Variants in IMPG1 observed in about 807,000 individuals in gnomAD.
IMPG1 encodes the protein interphotoreceptor matrix proteoglycan 1.
IMPG1 carries 85 observed loss-of-function variants against 92.0 expected under a neutral mutation model. That is an observed-to-expected ratio of 0.92 (90% CI 0.78 to 1.11). IMPG1 has a LOEUF of 1.11. Among genes scored for constraint, IMPG1 ranks in the 50% least tolerant of loss-of-function variants. IMPG1 has a pLI of 0.00. For missense variants in IMPG1, 1,022 were observed against 956.0 expected (o/e 1.07, Z -0.91); for synonymous variants, 367 against 334.1 (o/e 1.10, Z -1.08).
chr6:76,022,673 T>C (rs1283516584), intron 5 of IMPG1, among the ~76,000 whole-genome samples: 2 of 152,344 alleles, frequency 1.3e-5, no homozygotes, highest in Non-Finnish European at 2.9e-5. Context: ...TTTAAGATGC[T>C]ATGAATTTCA....
intron 6 of IMPG1, among the ~76,000 whole-genome samples, chr6:76,019,414 T>C (rs927912591): frequency 6.6e-6 from 1 of 152,244 alleles, no homozygotes; most frequent in Non-Finnish European, 1.5e-5. Context: ...GAAAATTGAA[T>C]ATCTCTGGTT....
chr6:75,963,729 C>T (rs1308510448), intron 12 of IMPG1, among the ~76,000 whole-genome samples: 10 of 152,180 alleles, frequency 6.6e-5, no homozygotes, highest in Admixed American at 6.5e-4. Context: ...TCCCCCACTC[C>T]CCAGCTCAGT....
intron 1 of IMPG1, among the ~76,000 whole-genome samples, chr6:76,051,680 T>C (rs1784044665): frequency 6.6e-6 from 1 of 152,186 alleles, no homozygotes; most frequent in East Asian, 1.9e-4. Flanking sequence ...CATTTCCCTC[T>C]CTGTAGCTTT....
intron 15 of IMPG1, among the ~76,000 whole-genome samples, chr6:75,928,782 C>G (rs900756604): frequency 3.3e-5 from 5 of 152,210 alleles, no homozygotes; most frequent in African/African-American, 9.6e-5. Flanking sequence ...CTATACAAAA[C>G]TGCCAATATT....
chr6:76,007,458 C>G (rs1210535563), intron 9 of IMPG1, 22 bp downstream of exon 9: 1 of 1,569,242 alleles, frequency 6.4e-7, no homozygotes, highest in Non-Finnish European at 8.7e-7. Context: ...TACTATATTT[C>G]AAAACTTAAA....
intron 14 of IMPG1, 68 bp from the exon 15 acceptor site, chr6:75,931,219 AG>A: frequency 1.2e-5 from 18 of 1,441,136 alleles, no homozygotes; most frequent in Non-Finnish European, 1.7e-5. Flanking sequence ...CAGCAGTCAA[AG>A]GCAAGAGACC....
At chr6:75,986,732 T>C (rs1173208713) in intron 12 of IMPG1, among the ~76,000 whole-genome samples, 1 of 151,416 alleles carries the variant, frequency 6.6e-6, no homozygotes, top group Non-Finnish European at 1.5e-5. Flanking sequence ...AAGCAGAATA[T>C]GTTAACAATG....
chr6:76,002,100 T>G (rs7774309), intron 12 of IMPG1, among the ~76,000 whole-genome samples: 24 of 152,210 alleles, frequency 1.6e-4, no homozygotes, highest in African/African-American at 5.5e-4. Flanking sequence ...CAATGGCATT[T>G]GTACTTATAA....
chr6:76,005,614 AG>A, intron 9 of IMPG1, 80 bp from the exon 10 acceptor site: 1 of 1,479,434 alleles, frequency 6.8e-7, no homozygotes, highest in Non-Finnish European at 9.2e-7. Context: ...ATTGCTACAA[AG>A]CTTCAGGATA....
chr6:75,967,892 A>G (rs1782335397), intron 12 of IMPG1, among the ~76,000 whole-genome samples: 2 of 152,214 alleles, frequency 1.3e-5, no homozygotes, highest in Non-Finnish European at 2.9e-5. Flanking sequence ...TAAGTAGTTG[A>G]GCCCTCAGGA....
At chr6:76,027,800 G>C (rs1783577216) in intron 4 of IMPG1, among the ~76,000 whole-genome samples, 1 of 152,162 alleles carries the variant, frequency 6.6e-6, no homozygotes, top group South Asian at 2.1e-4. Context: ...GCTTCTTTAA[G>C]ATTTTGGAGT....
At chr6:75,962,808 A>G (rs2149462350) in intron 12 of IMPG1, among the ~76,000 whole-genome samples, 1 of 152,346 alleles carries the variant, frequency 6.6e-6, no homozygotes, top group African/African-American at 2.4e-5. Flanking sequence ...TGGGAGGCTG[A>G]GGCAGGTGGA....
intron 7 of IMPG1, among the ~76,000 whole-genome samples, chr6:76,012,915 G>T (rs916316190): frequency 1.3e-5 from 2 of 152,044 alleles, no homozygotes; most frequent in Non-Finnish European, 2.9e-5. Context: ...TCTAGAAAGC[G>T]CAGCATCCCT....
intron 1 of IMPG1, among the ~76,000 whole-genome samples, chr6:76,057,214 GATGATCT>G (rs1784135136): frequency 6.6e-6 from 1 of 152,104 alleles, no homozygotes; most frequent in Non-Finnish European, 1.5e-5. Flanking sequence ...TAGGTGATGG[GATGATCT>G]ATGCAGCAAA....
At chr6:76,045,828 G>T (rs551192468) in intron 1 of IMPG1, among the ~76,000 whole-genome samples, 8 of 152,166 alleles carry the variant, frequency 5.3e-5, no homozygotes, top group African/African-American at 1.9e-4. Context: ...GATTCTTTGG[G>T]TCACTTTTAT....
chr6:76,041,749 A>G (rs1045688795), intron 2 of IMPG1, 144 bp downstream of exon 2: 7 of 629,288 alleles, frequency 1.1e-5, no homozygotes, highest in East Asian at 1.1e-4. Context: ...ATTCATTACT[A>G]TCAGATTATC....
intron 2 of IMPG1, among the ~76,000 whole-genome samples, chr6:76,041,185 T>C (rs959831361): frequency 6.6e-6 from 1 of 152,202 alleles, no homozygotes; most frequent in African/African-American, 2.4e-5. Context: ...TTGTCATCCA[T>C]AGGAAGTTAG....
Position 76,018,776 on chromosome 6 carries a change from T to C in IMPG1, c.749A>G (p.Glu250Gly), listed in dbSNP as rs1340223055. 1 of 1,613,438 alleles carries C rather than the reference T, an allele frequency of 6.2e-7. No individual in the cohort carries two copies. The highest frequency in any genetic ancestry group is 8.5e-7 in the Non-Finnish European group (1 of 1,179,740). Residue 250 changes from glutamate to glycine, a missense_variant, in exon 7 of 17, where the codon GAG becomes GGG. Around this residue, in one of 3 missense-constraint regions of IMPG1, gnomAD observed 681 missense variants for 583.6 expected, o/e 1.17. Transcript: ENST00000369950. ...ATATGGGGACTGGGAGTCAGCGAGC[T>C]CTGCCTTGAACTTCTGGTTTACCAG... ...VSLVNQKFKA[E>G]LADSQSPYYQ...
intron 9 of IMPG1, 42 bp from the exon 10 acceptor site, chr6:76,005,576 T>C: frequency 6.3e-7 from 1 of 1,595,320 alleles, no homozygotes; most frequent in Non-Finnish European, 8.5e-7. Flanking sequence ...AAAGCCATTG[T>C]TACATGCCTT....
Sources: allele counts gnomAD v4.1 joint callset (sites outside exome capture counted in the v4.1 genomes callset), GRCh38; gene constraint gnomAD v4.1.1; regional missense constraint gnomAD v4.1.1; transcripts MANE v1.5; gene names NCBI Gene and HGNC (gene_info 2026-07-23, HGNC 2026-07-21).